Variants in MDGA2 observed in about 807,000 individuals in gnomAD.
The protein encoded by MDGA2 is MAM domain-containing glycosylphosphatidylinositol anchor protein 2.
In MDGA2, 40 loss-of-function variants were observed where a neutral mutation model predicts 117.8. The ratio of observed to expected loss-of-function variants is 0.34; its 90% CI spans 0.26 to 0.44. MDGA2 has a LOEUF of 0.44. MDGA2 is among the 20% of genes least tolerant of loss of function. MDGA2 has a pLI of 1.00. For synonymous variants in MDGA2, 452 were observed against 439.0 expected, an observed-to-expected ratio of 1.03 and a Z score of -0.37; for missense variants, 1,123 against 1,250.6, an observed-to-expected ratio of 0.90 and a Z score of 1.54.
intron 7 of MDGA2, among the ~76,000 whole-genome samples, chr14:47,037,991 G>A (rs1172638041): frequency 6.6e-6 from 1 of 152,118 alleles, no homozygotes; most frequent in Non-Finnish European, 1.5e-5. Flanking sequence ...GTGCAGTGGT[G>A]CAATCTCTGC....
At chr14:46,863,374 A>G (rs1375608392) in intron 14 of MDGA2, among the ~76,000 whole-genome samples, 1 of 152,168 alleles carries the variant, frequency 6.6e-6, no homozygotes, top group Non-Finnish European at 1.5e-5. Context: ...ATGAATAAAA[A>G]ACTTTTATCA....
chr14:47,101,537 A>G (rs1880324293), intron 5 of MDGA2, among the ~76,000 whole-genome samples: 1 of 152,154 alleles, frequency 6.6e-6, no homozygotes, highest in Admixed American at 6.5e-5. Flanking sequence ...GGCTGCCTAT[A>G]TAGACAAGGA....
chr14:47,472,950 C>A (rs937958028), intron 1 of MDGA2, among the ~76,000 whole-genome samples: 1 of 151,860 alleles, frequency 6.6e-6, no homozygotes, highest in Non-Finnish European at 1.5e-5. Context: ...ATTCTCCAAC[C>A]AATTAAAAAG....
At chr14:47,466,416 C>T (rs181546632) in intron 1 of MDGA2, among the ~76,000 whole-genome samples, 5 of 151,930 alleles carry the variant, frequency 3.3e-5, no homozygotes, top group East Asian at 1.9e-4. Flanking sequence ...ATGTGAAAAC[C>T]GAATTGACAG....
At chr14:47,095,305 G>T (rs1447953953) in intron 6 of MDGA2, among the ~76,000 whole-genome samples, 1 of 151,952 alleles carries the variant, frequency 6.6e-6, no homozygotes, top group Admixed American at 6.6e-5. Flanking sequence ...CTCAGAGGCA[G>T]TATTTCTCCA....
At chr14:46,965,986 T>TTATAA (rs111343460) in intron 8 of MDGA2, among the ~76,000 whole-genome samples, 16,884 of 151,822 alleles carry the variant, frequency 0.11, 1,798 homozygotes, top group African/African-American at 0.25. Flanking sequence ...TATATGACTC[T>TTATAA]TATATTATTA....
intron 1 of MDGA2, among the ~76,000 whole-genome samples, chr14:47,336,617 T>TTA (rs2139931404): frequency 6.6e-6 from 1 of 152,004 alleles, no homozygotes; most frequent in Non-Finnish European, 1.5e-5. Context: ...TTAGATTAAT[T>TTA]ATTTAGAGTC....
At chr14:46,999,685 C>T (rs1194891808) in intron 8 of MDGA2, among the ~76,000 whole-genome samples, 1 of 152,056 alleles carries the variant, frequency 6.6e-6, no homozygotes, top group East Asian at 1.9e-4. Flanking sequence ...GCAGCCATAT[C>T]TTCCCTCGTC....
At chr14:46,876,646 G>C (rs1454532329) in intron 12 of MDGA2, among the ~76,000 whole-genome samples, 1 of 151,152 alleles carries the variant, frequency 6.6e-6, no homozygotes, top group Non-Finnish European at 1.5e-5. Flanking sequence ...TCAAAATTTT[G>C]CTTTATTTGG....
chr14:47,022,102 C>T (rs945243880), intron 8 of MDGA2, among the ~76,000 whole-genome samples: 5 of 151,734 alleles, frequency 3.3e-5, no homozygotes, highest in Admixed American at 6.6e-5. Flanking sequence ...ATATTTTTTT[C>T]GAGACAGGGT....
chr14:47,335,749 C>CATAA (rs1290562659), intron 1 of MDGA2, among the ~76,000 whole-genome samples: 1 of 45,802 alleles, frequency 2.2e-5, no homozygotes, highest in Non-Finnish European at 5.0e-5. Context: ...TATATATATA[C>CATAA]ATACATACAT....
At chr14:46,963,759 CTTGT>C (rs148490359) in intron 8 of MDGA2, among the ~76,000 whole-genome samples, 5,737 of 152,232 alleles carry the variant, frequency 0.038, 159 homozygotes, top group Middle Eastern at 0.13. Context: ...TTGTTCATAT[CTTGT>C]TTATGTAAGC....
At chr14:47,093,596 T>A (rs1004498069) in intron 6 of MDGA2, among the ~76,000 whole-genome samples, 6 of 152,050 alleles carry the variant, frequency 3.9e-5, no homozygotes, top group African/African-American at 1.4e-4. Flanking sequence ...TGCAATTTCT[T>A]AAAAAACTAT....
Position 47,244,853 on chromosome 14 carries a change from GAATTTTCTTCTACCTCTTCCATCC to G in MDGA2, c.421-26682_421-26659del, listed in dbSNP as rs552841267. On this transcript the variant is annotated intron_variant, in intron 2 of 16. Coordinates refer to ENST00000399232, the MANE Select transcript of MDGA2 (RefSeq NM_001113498.3). The stretch of plus-strand genomic sequence containing the variant: ...TCTTAGAACAAGATCATTTGTATGT[GAATTTTCTTCTACCTCTTCCATCC>G]CTAAGACAGCAAGACCAAGTGCTCC... Among the ~76,000 whole-genome samples, 96 of 151,770 alleles carry G rather than the reference GAATTTTCTTCTACCTCTTCCATCC, an allele frequency of 6.3e-4. 3 individuals carry two copies. In the South Asian group the frequency reaches 0.019, roughly 31 times the overall value.
rs559535263 is a variant in MDGA2, at chr14:47,181,389, A to G, written c.595+36632T>C. 5.9e-5 allele frequency among the ~76,000 whole-genome samples: 9 copies of G among 152,312 alleles called. No individual in the cohort carries two copies. In the East Asian group the frequency reaches 1.7e-3, roughly 29 times the overall value. Reference sequence around the variant, plus strand: ...TTGGAACCAACCTAAATGTCCATCAATGATAGACTGGATAAAGAAAATGTG... The same window carrying G: ...TTGGAACCAACCTAAATGTCCATCAGTGATAGACTGGATAAAGAAAATGTG... On this transcript the variant is annotated intron_variant, in intron 3 of 16. Coordinates refer to ENST00000399232, the MANE Select transcript of MDGA2 (RefSeq NM_001113498.3).
intron 2 of MDGA2, among the ~76,000 whole-genome samples, chr14:47,240,725 A>C: frequency 6.6e-6 from 1 of 151,928 alleles, no homozygotes; most frequent in Admixed American, 6.6e-5. Flanking sequence ...GGGTTTTAGC[A>C]AAAAATACAT....
At chr14:47,002,459 G>GGCTCAC (rs1887565984) in intron 8 of MDGA2, among the ~76,000 whole-genome samples, 1 of 152,062 alleles carries the variant, frequency 6.6e-6, no homozygotes, top group African/African-American at 2.4e-5. Flanking sequence ...CAGGCACAGT[G>GGCTCAC]GCTCACGCCT....
chr14:47,085,632 T>C lies in MDGA2; in HGVS notation c.1195+11222A>G, dbSNP rs368699147. Among the ~76,000 whole-genome samples, 11 of 141,612 alleles carry C rather than the reference T, an allele frequency of 7.8e-5. No individual in the cohort carries two copies. The South Asian group carries it at 1.5e-3, about 20-fold the overall frequency. The allele number at this position is 141,612 out of a possible 152,430, so 92.9% of individuals were successfully genotyped here. ...ATAAATCAAGTCTTTTTTTTTTTTTTCCAGAGAGCTGGTTTACCAGCACAT... is the reference window on the plus strand; with the variant it reads ...ATAAATCAAGTCTTTTTTTTTTTTTCCCAGAGAGCTGGTTTACCAGCACAT... On this transcript the variant is annotated intron_variant, in intron 6 of 16. Coordinates refer to ENST00000399232, the MANE Select transcript of MDGA2 (RefSeq NM_001113498.3).
chr14:47,626,917 C>T (rs2138211766), intron 1 of MDGA2, among the ~76,000 whole-genome samples: 1 of 152,392 alleles, frequency 6.6e-6, no homozygotes, highest in South Asian at 2.1e-4. Context: ...TGGCAGGCAG[C>T]TCCACCTGCA....
Sources: gnomAD v4.1 joint callset for allele counts (sites outside exome capture counted in the v4.1 genomes callset) on GRCh38, gnomAD v4.1.1 for gene constraint, MANE v1.5 for transcripts, NCBI Gene and HGNC (gene_info 2026-07-23, HGNC 2026-07-21) for gene names.